EPHA5: variants seen among roughly 807,000 people sequenced by gnomAD.
EPHA5 encodes the protein EPH receptor A5.
In EPHA5, 60 loss-of-function variants were observed where a neutral mutation model predicts 105.0. The ratio of observed to expected loss-of-function variants is 0.57; its 90% CI spans 0.46 to 0.71. The LOEUF (loss-of-function observed/expected upper bound fraction) is 0.71. EPHA5 is among the 30% of genes least tolerant of loss of function. The pLI is 0.00. For synonymous variants in EPHA5, 513 were observed against 449.1 expected, an observed-to-expected ratio of 1.14 and a Z score of -1.80; for missense variants, 1,218 against 1,274.7, an observed-to-expected ratio of 0.96 and a Z score of 0.68.
Position 65,351,488 on chromosome 4 carries a change from G to T in EPHA5, c.2346C>A (p.Ala782=), listed in dbSNP as rs1467651391. 9.3e-6 allele frequency: 15 copies of T among 1,613,750 alleles called. No homozygotes were observed. Among genetic ancestry groups the T allele is most frequent in the Non-Finnish European group, 1.3e-5 (15 of 1,179,838 alleles). Residue 782 remains alanine (A), a synonymous_variant, in exon 13 of 17, where the codon GCC becomes GCA. Transcript: ENST00000613740. ...DMGYVHRDLA[A]RNILINSNLV... ...GGTTACTGTTGATTAAGATGTTTCT[G>T]GCAGCAAGATCTCTATGCACATAGC...
intron 3 of EPHA5, among the ~76,000 whole-genome samples, chr4:65,539,911 T>C (rs1432325576): frequency 6.6e-6 from 1 of 151,540 alleles, no homozygotes; most frequent in Non-Finnish European, 1.5e-5. Context: ...TATTATTATA[T>C]TATGCACATA....
intron 7 of EPHA5, among the ~76,000 whole-genome samples, chr4:65,412,534 T>C (rs1225462828): frequency 1.3e-5 from 2 of 152,262 alleles, no homozygotes; most frequent in South Asian, 4.1e-4. Flanking sequence ...TTTGCACATA[T>C]ATGAGTAGAA....
chr4:65,386,929 C>T (rs1720151747), intron 8 of EPHA5, among the ~76,000 whole-genome samples: 2 of 151,736 alleles, frequency 1.3e-5, no homozygotes, highest in Admixed American at 1.3e-4. Flanking sequence ...TGACTTAACT[C>T]TGCCAAATTT....
intron 14 of EPHA5, among the ~76,000 whole-genome samples, chr4:65,346,183 A>T (rs1204007353): frequency 6.6e-6 from 1 of 151,744 alleles, no homozygotes; most frequent in Admixed American, 6.6e-5. Context: ...TATCTTGCCA[A>T]ATCTTATGCT....
At chr4:65,489,330 C>T (rs1209494029) in intron 5 of EPHA5, among the ~76,000 whole-genome samples, 3 of 152,166 alleles carry the variant, frequency 2.0e-5, no homozygotes, top group African/African-American at 7.2e-5. Context: ...ATCCCGCAAC[C>T]TACAAACTTA....
intron 2 of EPHA5, among the ~76,000 whole-genome samples, chr4:65,623,376 G>T (rs1482654305): frequency 2.0e-5 from 3 of 151,766 alleles, no homozygotes; most frequent in African/African-American, 7.3e-5. Context: ...CCATTTATTT[G>T]TTCTTTCATT....
chr4:65,465,535 AGGAAAGGAAGGAAAGGAAGGAAAGGAAG>A (rs1462614381), intron 5 of EPHA5, among the ~76,000 whole-genome samples: 47 of 71,316 alleles, frequency 6.6e-4, no homozygotes, highest in African/African-American at 2.2e-3. Flanking sequence ...AAGAAAAGAA[AGGAAAGGAAGGAAAGGAAGGAAAGGAAG>A]GAAAGGAAGG....
At chr4:65,505,384 CAACTT>C (rs1417725938) in intron 3 of EPHA5, among the ~76,000 whole-genome samples, 2 of 151,964 alleles carry the variant, frequency 1.3e-5, no homozygotes, top group African/African-American at 4.8e-5. Context: ...ACAGATTTAA[CAACTT>C]AAATTCTTCA....
intron 3 of EPHA5, among the ~76,000 whole-genome samples, chr4:65,531,519 CTT>C (rs1260898034): frequency 3.4e-5 from 5 of 146,132 alleles, no homozygotes; most frequent in African/African-American, 1.2e-4. Flanking sequence ...ACTGAGATGT[CTT>C]TGCAGAATGA....
intron 3 of EPHA5, among the ~76,000 whole-genome samples, chr4:65,564,766 T>C (rs1258531618): frequency 6.6e-6 from 1 of 151,778 alleles, no homozygotes; most frequent in Non-Finnish European, 1.5e-5. Flanking sequence ...AAGCAATGTA[T>C]TTGTATTTAG....
chr4:65,536,011 A>G (rs995300965), intron 3 of EPHA5, among the ~76,000 whole-genome samples: 2 of 151,988 alleles, frequency 1.3e-5, no homozygotes, highest in East Asian at 3.8e-4. Flanking sequence ...GACATGCTTT[A>G]TAAGAACTTT....
intron 16 of EPHA5, among the ~76,000 whole-genome samples, chr4:65,327,067 A>C (rs1720147061): frequency 6.6e-6 from 1 of 151,080 alleles, no homozygotes; most frequent in Non-Finnish European, 1.5e-5. Context: ...AATATAATTT[A>C]ATCTTCTAGA....
rs1162648646 is a variant in EPHA5 at position 65,330,754 on chromosome 4, T to C, written c.2945+1219A>G. 2.9e-6 allele frequency: 3 copies of C among 1,018,820 alleles called. No individual in the cohort carries two copies. In the Admixed American group the frequency reaches 1.8e-4, roughly 60 times the overall value. 63.1% of individuals were successfully genotyped at this position (1,018,820 alleles called of 1,614,324 possible). A position where few individuals can be genotyped will look rare whatever the true frequency, so the allele number is the denominator to read the frequency against. On this transcript the variant is annotated intron_variant, in intron 16 of 16. Transcript: ENST00000613740. ...AAATTTTTCAGTATACCAGTTTAAA[T>C]ATAGCACAAATGGGTTCCTTGAGTG...
chr4:65,603,619 C>T (rs1479118148), intron 2 of EPHA5, among the ~76,000 whole-genome samples: 1 of 152,032 alleles, frequency 6.6e-6, no homozygotes, highest in Non-Finnish European at 1.5e-5. Context: ...TGGCTCCTCT[C>T]GAAATCTAGC....
intron 2 of EPHA5, among the ~76,000 whole-genome samples, chr4:65,610,753 A>G (rs766887880): frequency 2.0e-5 from 3 of 152,128 alleles, no homozygotes; most frequent in Admixed American, 6.5e-5. Flanking sequence ...TATAGGGTAC[A>G]TGTGATCTAA....
intron 5 of EPHA5, among the ~76,000 whole-genome samples, chr4:65,433,807 T>C (rs978649892): frequency 6.6e-6 from 1 of 152,156 alleles, no homozygotes; most frequent in South Asian, 2.1e-4. Context: ...GGCTCATGCC[T>C]GTAACCCCAT....
chr4:65,615,680 G>T (rs1330571511), intron 2 of EPHA5, among the ~76,000 whole-genome samples: 2 of 151,886 alleles, frequency 1.3e-5, no homozygotes, highest in Non-Finnish European at 2.9e-5. Flanking sequence ...CTTATGAAAT[G>T]ATGCTAAATG....
At chr4:65,574,085 C>A in intron 3 of EPHA5, 1 of 1,607,082 alleles carries the variant, frequency 6.2e-7, no homozygotes. Context: ...ATGTAAAAAT[C>A]CCAAAACATC....
At chr4:65,348,296 A>G (rs1305622240) in intron 13 of EPHA5, 93 bp from the exon 14 acceptor site, 1 of 1,145,614 alleles carries the variant, frequency 8.7e-7, no homozygotes, top group East Asian at 2.5e-5. Context: ...ACAGAGATGT[A>G]GCATTTTTAA....
Sources: allele counts gnomAD v4.1 joint callset (sites outside exome capture counted in the v4.1 genomes callset), GRCh38; gene constraint gnomAD v4.1.1; transcripts MANE v1.5; gene names NCBI Gene and HGNC (gene_info 2026-07-23, HGNC 2026-07-21).